The following ANKS1B variants were observed in gnomAD, a reference collection of about 807,000 sequenced individuals.
ANKS1B encodes ankyrin repeat and sterile alpha motif domain-containing protein 1B.
ANKS1B carries 36 observed loss-of-function variants against 148.3 expected under a neutral mutation model. The observed-to-expected ratio is 0.24, with a 90% CI of 0.19 to 0.32. The LOEUF is 0.32. ANKS1B is among the 10% of genes least tolerant of loss of function. The probability of loss-of-function intolerance (pLI) is 1.00; values close to 1 mark genes in which losing one functional copy is unlikely to be tolerated. For synonymous variants in ANKS1B, 542 were observed against 560.8 expected (o/e 0.97, Z 0.47); for missense variants, 1,157 against 1,542.6 (o/e 0.75, Z 4.19).
chr12:99,942,273 G>A (rs1284264816), intron 1 of ANKS1B, among the ~76,000 whole-genome samples: 1 of 152,148 alleles, frequency 6.6e-6, no homozygotes, highest in Non-Finnish European at 1.5e-5. Flanking sequence ...ACCATCAACA[G>A]CATTATTTGC....
intron 9 of ANKS1B, among the ~76,000 whole-genome samples, chr12:99,550,884 G>A (rs115708387): frequency 3.6e-4 from 55 of 152,212 alleles, no homozygotes; most frequent in African/African-American, 1.3e-3. Context: ...ATCCCTTTTG[G>A]TCTTGCTGCT....
At chr12:99,386,733 T>C (rs772107912) in intron 12 of ANKS1B, among the ~76,000 whole-genome samples, 2 of 152,206 alleles carry the variant, frequency 1.3e-5, no homozygotes, top group Non-Finnish European at 2.9e-5. Context: ...TGTAAATAAC[T>C]GCAATCTTTT....
At chr12:98,961,681 C>T (rs1456107261) in intron 17 of ANKS1B, among the ~76,000 whole-genome samples, 1 of 151,984 alleles carries the variant, frequency 6.6e-6, no homozygotes, top group African/African-American at 2.4e-5. Context: ...ACTACAGCCA[C>T]TTCTCAAGAA....
intron 11 of ANKS1B, among the ~76,000 whole-genome samples, chr12:99,422,642 A>G (rs1476545813): frequency 6.6e-6 from 1 of 152,186 alleles, no homozygotes; most frequent in African/African-American, 2.4e-5. Context: ...GTAAGGAACT[A>G]AAAGGTGGTT....
chr12:99,708,119 C>G (rs1348977915), intron 8 of ANKS1B, among the ~76,000 whole-genome samples: 2 of 152,130 alleles, frequency 1.3e-5, no homozygotes, highest in Non-Finnish European at 2.9e-5. Flanking sequence ...AAGCCAAATT[C>G]AACTGAGTGG....
chr12:99,806,839 T>C, intron 3 of ANKS1B, 139 bp from the exon 4 acceptor site: 2 of 888,314 alleles, frequency 2.3e-6, no homozygotes, highest in Non-Finnish European at 3.3e-6. Flanking sequence ...CCTAATGGAA[T>C]TTTATATTTG....
chr12:99,560,304 A>C (rs1243429785), intron 9 of ANKS1B, among the ~76,000 whole-genome samples: 2 of 152,280 alleles, frequency 1.3e-5, no homozygotes, highest in East Asian at 3.9e-4. Flanking sequence ...TCTGAATACC[A>C]CACGTTACCT....
Position 99,304,383 on chromosome 12 carries a change from G to T in ANKS1B, c.1757-57519C>A, listed in dbSNP as rs988308741. Among the ~76,000 whole-genome samples, 4 of 152,200 alleles carry T rather than the reference G, an allele frequency of 2.6e-5. 1 individual carries two copies. In the Middle Eastern group the frequency reaches 0.01, roughly 388 times the overall value. On this transcript the variant is annotated intron_variant, in intron 12 of 26. Coordinates refer to ENST00000683438, the MANE Select transcript of ANKS1B (RefSeq NM_001352186.2). ...GCGGTAGTTCACATTTGAGCAGAAG[G>T]TTCTCGTTCTCTAGTCTATTATATT...
intron 10 of ANKS1B, among the ~76,000 whole-genome samples, chr12:99,444,614 T>C (rs1375989563): frequency 6.6e-6 from 1 of 152,024 alleles, no homozygotes; most frequent in Non-Finnish European, 1.5e-5. Context: ...AATTATTCTA[T>C]AAATAACTTC....
chr12:99,836,576 C>T (rs1441218135), intron 1 of ANKS1B, among the ~76,000 whole-genome samples: 1 of 151,920 alleles, frequency 6.6e-6, no homozygotes, highest in Non-Finnish European at 1.5e-5. Context: ...CAATTATGAC[C>T]TCTCTTCAAT....
At chr12:99,774,785 A>G (rs2063502527) in intron 7 of ANKS1B, among the ~76,000 whole-genome samples, 1 of 151,808 alleles carries the variant, frequency 6.6e-6, no homozygotes, top group Admixed American at 6.6e-5. Context: ...GTATACATTT[A>G]TATACACACT....
rs763031270 is a variant in ANKS1B, at chr12:98,829,216, A to G, written c.3024T>C (p.Phe1008=). ...CCAGTTTTGATCGGGGAATATCATC[A>G]AAGTAGTTTTCATTTCTTCTCCTCC... The part of the protein sequence containing the change: ...DARRRRNENY[F]DDIPRSKLER... The change falls in exon 19 of 27, where the codon TTT becomes TTC. Residue 1008 remains phenylalanine, a synonymous_variant. Transcript: ENST00000683438. This position sits in a 1 kb window ranked among gnomAD's most constrained non-coding sequence, Gnocchi z 5.2. 3.5e-5 allele frequency: 57 copies of G among 1,613,924 alleles called. No individual in the cohort carries two copies. The highest frequency in any genetic ancestry group is 4.7e-5 in the Non-Finnish European group (56 of 1,179,898).
At chr12:99,444,566 C>T (rs2095605476) in intron 10 of ANKS1B, among the ~76,000 whole-genome samples, 2 of 151,744 alleles carry the variant, frequency 1.3e-5, no homozygotes, top group South Asian at 2.1e-4. Context: ...ATCAAGGATG[C>T]CATTTTAGAA....
intron 1 of ANKS1B, among the ~76,000 whole-genome samples, chr12:99,910,303 C>A (rs558133998): frequency 1.3e-3 from 164 of 130,746 alleles, no homozygotes; most frequent in African/African-American, 4.7e-3. Flanking sequence ...CGCAGTGAGC[C>A]GAGATCGCAC....
intron 10 of ANKS1B, among the ~76,000 whole-genome samples, chr12:99,457,330 A>T (rs529463137): frequency 6.6e-6 from 1 of 152,184 alleles, no homozygotes; most frequent in East Asian, 1.9e-4. Context: ...CTTAAAGCAC[A>T]AATCTCACAG....
intron 12 of ANKS1B, among the ~76,000 whole-genome samples, chr12:99,353,738 T>C (rs1288056139): frequency 6.6e-6 from 1 of 152,018 alleles, no homozygotes; most frequent in Non-Finnish European, 1.5e-5. Flanking sequence ...AGACTCTTAA[T>C]GACACTAGCT....
rs535612236 is a variant in ANKS1B at position 99,366,673 on chromosome 12, C to A, written c.1756+32958G>T. ...TGGAAAAAGTAAAAAAAATTGAATT[C>A]TATCTTATACATTATCTCAAGATTA... On this transcript the variant is annotated intron_variant, in intron 12 of 26. Coordinates refer to ENST00000683438, the MANE Select transcript of ANKS1B (RefSeq NM_001352186.2). 2.8e-4 allele frequency among the ~76,000 whole-genome samples: 42 copies of A among 152,202 alleles called. No homozygotes were observed. The South Asian group carries it at 4.6e-3, about 17-fold the overall frequency.
At chr12:99,781,995 A>C (rs1372889172) in intron 5 of ANKS1B, 27 bp downstream of exon 5, 5 of 1,557,542 alleles carry the variant, frequency 3.2e-6, no homozygotes, top group Non-Finnish European at 4.4e-6. Flanking sequence ...TGTCAGGATA[A>C]GCTCCATGCA....
intron 17 of ANKS1B, among the ~76,000 whole-genome samples, chr12:98,837,888 A>C (rs1024028363): frequency 1.3e-5 from 2 of 152,212 alleles, no homozygotes; most frequent in African/African-American, 4.8e-5. Context: ...CATTTTGATT[A>C]TAATAGCTAT....
Sources: allele counts gnomAD v4.1 joint callset (sites outside exome capture counted in the v4.1 genomes callset), GRCh38; gene constraint gnomAD v4.1.1; non-coding constraint Gnocchi (gnomAD v3.1); transcripts MANE v1.5; gene names NCBI Gene and HGNC (gene_info 2026-07-23, HGNC 2026-07-21).